LRP1B: variants seen among roughly 807,000 people sequenced by gnomAD.
LRP1B encodes the protein LDL receptor related protein 1B.
In LRP1B, 217 loss-of-function variants were observed where a neutral mutation model predicts 556.6. The ratio of observed to expected loss-of-function variants is 0.39; its 90% CI spans 0.35 to 0.44. LRP1B has a LOEUF of 0.44. Ranked by LOEUF, LRP1B falls within the 20% of genes least tolerant of loss-of-function variation. The pLI is 1.00. For synonymous variants in LRP1B, 2,047 were observed against 1,865.8 expected, an observed-to-expected ratio of 1.10 and a Z score of -2.50; for missense variants, 5,053 against 5,620.8, an observed-to-expected ratio of 0.90 and a Z score of 3.23.
intron 21 of LRP1B, among the ~76,000 whole-genome samples, chr2:140,920,118 C>T (rs1694694123): frequency 6.6e-6 from 1 of 151,966 alleles, no homozygotes; most frequent in African/African-American, 2.4e-5. Context: ...AAAGGCATTT[C>T]TGAGTTTCTT....
At chr2:141,003,122 A>G (rs1697473400) in intron 15 of LRP1B, among the ~76,000 whole-genome samples, 1 of 152,040 alleles carries the variant, frequency 6.6e-6, no homozygotes, top group Non-Finnish European at 1.5e-5. Context: ...TAAAACACAT[A>G]AAAGGTCATA....
chr2:141,080,137 A>T (rs1699888589), intron 7 of LRP1B, among the ~76,000 whole-genome samples: 1 of 152,242 alleles, frequency 6.6e-6, no homozygotes, highest in South Asian at 2.1e-4. Context: ...AAGCAAATAG[A>T]TTGGGCACAT....
chr2:141,360,639 C>T lies in LRP1B; in HGVS notation c.344-105998G>A, dbSNP rs1249527466. Among the ~76,000 whole-genome samples the T allele has an allele frequency of 3.9e-5, 6 of 152,086 alleles. 1 individual carries two copies. The highest frequency in any genetic ancestry group is 3.9e-4 in the Admixed American group (6 of 15,276). On this transcript the variant is annotated intron_variant, in intron 3 of 90. Coordinates refer to ENST00000389484, the MANE Select transcript of LRP1B (RefSeq NM_018557.3). Reference sequence around the variant, plus strand: ...CTACCTCAATTTCAGAGTGTTTTGCCAGTATATCAAAGCTGAGGCTGGGGC... The same window carrying T: ...CTACCTCAATTTCAGAGTGTTTTGCTAGTATATCAAAGCTGAGGCTGGGGC...
intron 11 of LRP1B, among the ~76,000 whole-genome samples, chr2:141,042,588 G>A (rs1351958543): frequency 2.0e-5 from 3 of 151,996 alleles, no homozygotes; most frequent in Non-Finnish European, 4.4e-5. Flanking sequence ...TCACTTACTA[G>A]CTATGTAACT....
At chr2:141,295,421 A>G (rs1459800969) in intron 3 of LRP1B, among the ~76,000 whole-genome samples, 2 of 152,156 alleles carry the variant, frequency 1.3e-5, no homozygotes, top group Admixed American at 6.5e-5. Flanking sequence ...CACACTGACT[A>G]TCTAAAGTTT....
At chr2:141,257,700 G>A (rs1558964744) in intron 3 of LRP1B, among the ~76,000 whole-genome samples, 2 of 152,200 alleles carry the variant, frequency 1.3e-5, no homozygotes, top group African/African-American at 4.8e-5. Flanking sequence ...TATGTGCAGA[G>A]TGATGACACG....
At chr2:141,990,583 G>C (rs1400760436) in intron 1 of LRP1B, among the ~76,000 whole-genome samples, 1 of 151,966 alleles carries the variant, frequency 6.6e-6, no homozygotes, top group Admixed American at 6.6e-5. Context: ...TTTACTCTTA[G>C]ACCATTCTTG....
intron 2 of LRP1B, among the ~76,000 whole-genome samples, chr2:141,517,004 TAA>T (rs71391654): frequency 2.6e-4 from 3 of 11,732 alleles, no homozygotes; most frequent in African/African-American, 6.4e-4. Context: ...GCCCGTCTCT[TAA>T]AAAAAAAAAA....
intron 1 of LRP1B, among the ~76,000 whole-genome samples, chr2:141,903,147 C>CTT (rs34961675): frequency 0.039 from 5,762 of 149,464 alleles, 139 homozygotes; most frequent in Non-Finnish European, 0.057. Context: ...ATGTCTAAAT[C>CTT]TTTTTTTTTT....
chr2:140,509,793 T>G (rs1267873958), intron 52 of LRP1B, 135 bp downstream of exon 52: 9 of 1,193,156 alleles, frequency 7.5e-6, no homozygotes, highest in African/African-American at 1.5e-5. Flanking sequence ...CCCACCTGAT[T>G]AAGTCCAATA....
chr2:141,133,176 C>A (rs938819947), intron 7 of LRP1B, among the ~76,000 whole-genome samples: 1 of 151,778 alleles, frequency 6.6e-6, no homozygotes, highest in Non-Finnish European at 1.5e-5. Flanking sequence ...GCAAAAAGCT[C>A]GAGACAGAAA....
At chr2:141,440,203 G>A (rs1680910244) in intron 3 of LRP1B, among the ~76,000 whole-genome samples, 1 of 152,206 alleles carries the variant, frequency 6.6e-6, no homozygotes, top group Admixed American at 6.5e-5. Context: ...GGCGAGGAGT[G>A]ACATAGGCAG....
At chr2:140,483,918 G>A (rs1043961930) in intron 59 of LRP1B, among the ~76,000 whole-genome samples, 19 of 151,880 alleles carry the variant, frequency 1.3e-4, no homozygotes, top group Admixed American at 1.2e-3. Flanking sequence ...GGAATTAGAA[G>A]CGTGAGCCAC....
chr2:142,041,185 G>C (rs878877390), intron 1 of LRP1B, among the ~76,000 whole-genome samples: 4 of 150,930 alleles, frequency 2.7e-5, no homozygotes, highest in Admixed American at 6.6e-5. Context: ...TTTAATTAAG[G>C]CTCCAAGTTT....
At chr2:141,073,620 C>T (rs533733847) in intron 7 of LRP1B, among the ~76,000 whole-genome samples, 13 of 152,198 alleles carry the variant, frequency 8.5e-5, no homozygotes, top group African/African-American at 2.9e-4. Flanking sequence ...GATACTTTTG[C>T]TGAGATTCTT....
intron 72 of LRP1B, 47 bp from the exon 73 acceptor site, chr2:140,358,993 C>T (rs1406090308): frequency 1.3e-6 from 2 of 1,560,004 alleles, no homozygotes; most frequent in African/African-American, 1.4e-5. Context: ...GAGTACATTG[C>T]TTTATGAAGA....
At chr2:140,234,720 A>G in intron 90 of LRP1B, 66 bp downstream of exon 90, 1 of 720,340 alleles carries the variant, frequency 1.4e-6, no homozygotes, top group Non-Finnish European at 2.6e-6. Flanking sequence ...AAGTCTAGTA[A>G]TTAGTCTTTG....
intron 59 of LRP1B, among the ~76,000 whole-genome samples, chr2:140,476,976 C>A (rs1205670144): frequency 6.6e-6 from 1 of 151,948 alleles, no homozygotes; most frequent in East Asian, 1.9e-4. Flanking sequence ...TGATGCTATG[C>A]TTTTTAAAAT....
chr2:140,483,641 T>TATATATA (rs1491178607), intron 59 of LRP1B, among the ~76,000 whole-genome samples: 263 of 51,516 alleles, frequency 5.1e-3, no homozygotes, highest in Non-Finnish European at 7.1e-3. Flanking sequence ...TATATATATA[T>TATATATA]TTTTTTTTTT....
Sources: allele counts gnomAD v4.1 joint callset (sites outside exome capture counted in the v4.1 genomes callset), GRCh38; gene constraint gnomAD v4.1.1; transcripts MANE v1.5; gene names NCBI Gene and HGNC (gene_info 2026-07-23, HGNC 2026-07-21).